HPSE2: variants seen among roughly 807,000 people sequenced by gnomAD.
The protein encoded by HPSE2 is heparanase 2 (inactive).
Under a neutral mutation model 60.5 loss-of-function variants are expected in HPSE2, and 38 were observed. The ratio of observed to expected loss-of-function variants is 0.63; its 90% confidence interval spans 0.48 to 0.82. The LOEUF (loss-of-function observed/expected upper bound fraction) is 0.82, where lower values mean the gene tolerates loss of function less well. Ranked by LOEUF, HPSE2 falls within the 40% of genes least tolerant of loss-of-function variation. The probability of loss-of-function intolerance (pLI) is 0.00; values close to 1 mark genes in which losing one functional copy is unlikely to be tolerated. For synonymous variants in HPSE2, 295 were observed against 293.2 expected (o/e 1.01, Z -0.06); for missense variants, 713 against 740.4 (o/e 0.96, Z 0.43).
chr10:98,663,358 A>T (rs1337628605), intron 6 of HPSE2, among the ~76,000 whole-genome samples: 1 of 152,314 alleles, frequency 6.6e-6, no homozygotes, highest in Admixed American at 6.5e-5. Context: ...AAAAAACCTA[A>T]TAAGGGACTC....
At chr10:98,708,361 C>T (rs1295512901) in intron 5 of HPSE2, among the ~76,000 whole-genome samples, 1 of 150,310 alleles carries the variant, frequency 6.7e-6, no homozygotes, top group Non-Finnish European at 1.5e-5. Context: ...GAGGCTGAGG[C>T]AGAAGAATGG....
rs377424434 is a variant in HPSE2, at chr10:99,040,794, T to C, written c.610+103444A>G. ...AAAATCTAAATTTACATTCTTAAAA[T>C]TGCACAGCCAAGCCAGGTGCAGTGG... is the stretch of plus-strand genomic sequence containing the variant. On this transcript the variant is annotated intron_variant, in intron 3 of 11. Coordinates refer to ENST00000370552, the MANE Select transcript of HPSE2 (RefSeq NM_021828.5). Among the ~76,000 whole-genome samples the C allele has an allele frequency of 2.0e-4, 30 of 152,276 alleles. 1 individual carries two copies. The East Asian group carries it at 2.9e-3, about 15-fold the overall frequency.
intron 2 of HPSE2, among the ~76,000 whole-genome samples, chr10:99,173,593 G>A (rs949303563): frequency 4.9e-4 from 74 of 152,106 alleles, no homozygotes; most frequent in African/African-American, 1.7e-3. Context: ...AATAAATACT[G>A]GAAAGGGTCT....
intron 9 of HPSE2, among the ~76,000 whole-genome samples, chr10:98,571,335 C>T (rs1944487106): frequency 1.3e-5 from 2 of 152,088 alleles, no homozygotes; most frequent in South Asian, 4.1e-4. Flanking sequence ...GAGATTCTAT[C>T]TTTACTACTA....
At chr10:98,571,950 T>TTTTTG in intron 9 of HPSE2, among the ~76,000 whole-genome samples, 1 of 150,658 alleles carries the variant, frequency 6.6e-6, no homozygotes, top group Non-Finnish European at 1.5e-5. Flanking sequence ...CTTTTTTTTT[T>TTTTTG]TTTTTTGAGA....
the HPSE2 span, among the ~76,000 whole-genome samples, chr10:99,247,371 T>C: frequency 2.0e-5 from 3 of 152,266 alleles, no homozygotes; most frequent in Admixed American, 2.0e-4. Flanking sequence ...CCAGCTTTAC[T>C]ATGTATTTTT....
At chr10:98,994,469 C>A (rs181400699) in intron 3 of HPSE2, among the ~76,000 whole-genome samples, 3 of 151,810 alleles carry the variant, frequency 2.0e-5, no homozygotes, top group African/African-American at 7.3e-5. Context: ...GAGAATGGGA[C>A]CCTTCCCAAA....
chr10:99,208,564 T>C (rs1848841377), intron 2 of HPSE2, among the ~76,000 whole-genome samples: 2 of 152,046 alleles, frequency 1.3e-5, no homozygotes, highest in Admixed American at 1.3e-4. Flanking sequence ...TGCATGCCTA[T>C]AGTCCCAACT....
chr10:98,580,824 TTA>T (rs779671429), intron 9 of HPSE2, among the ~76,000 whole-genome samples: 4 of 128,560 alleles, frequency 3.1e-5, no homozygotes, highest in Non-Finnish European at 6.3e-5. Flanking sequence ...GTGCTTGGTT[TTA>T]TATATATATA....
At chr10:99,140,931 G>T (rs376818995) in intron 3 of HPSE2, among the ~76,000 whole-genome samples, 1 of 152,148 alleles carries the variant, frequency 6.6e-6, no homozygotes, top group Non-Finnish European at 1.5e-5. Flanking sequence ...CAGCTACTCC[G>T]GAGGCTGAGG....
intron 7 of HPSE2, among the ~76,000 whole-genome samples, chr10:98,620,948 T>G (rs960020462): frequency 4.6e-5 from 7 of 152,048 alleles, no homozygotes; most frequent in African/African-American, 1.4e-4. Context: ...TAAACCCAAG[T>G]GATAATGTGA....
intron 3 of HPSE2, among the ~76,000 whole-genome samples, chr10:98,777,254 G>C (rs1950361274): frequency 6.6e-6 from 1 of 152,092 alleles, no homozygotes; most frequent in Non-Finnish European, 1.5e-5. Flanking sequence ...GGCTTAATTA[G>C]AGAGTAAACA....
chr10:98,712,527 G>A (rs1948699507), intron 5 of HPSE2, among the ~76,000 whole-genome samples: 1 of 152,002 alleles, frequency 6.6e-6, no homozygotes, highest in African/African-American at 2.4e-5. Context: ...TCAGGATTAG[G>A]CACTTAGTAG....
intron 6 of HPSE2, among the ~76,000 whole-genome samples, chr10:98,664,543 T>C (rs471117): frequency 0.18 from 28,119 of 152,022 alleles, 3,081 homozygotes; most frequent in East Asian, 0.34. Flanking sequence ...GGTAAAGGGA[T>C]CACCTCTCTC....
At chr10:98,966,025 G>A (rs1374081902) in intron 3 of HPSE2, among the ~76,000 whole-genome samples, 1 of 152,018 alleles carries the variant, frequency 6.6e-6, no homozygotes, top group Non-Finnish European at 1.5e-5. Context: ...TGAGTAGCTG[G>A]GGTTACAGGT....
At chr10:98,874,536 T>C (rs1351619921) in intron 3 of HPSE2, among the ~76,000 whole-genome samples, 1 of 152,088 alleles carries the variant, frequency 6.6e-6, no homozygotes, top group Non-Finnish European at 1.5e-5. Context: ...TTTCTAAATA[T>C]AGAATCATGT....
intron 3 of HPSE2, among the ~76,000 whole-genome samples, chr10:98,925,617 T>C (rs1954432689): frequency 6.6e-6 from 1 of 152,192 alleles, no homozygotes; most frequent in Non-Finnish European, 1.5e-5. Flanking sequence ...GACACCATCC[T>C]GGCAAGGATG....
chr10:98,657,102 T>C (rs942427013), intron 6 of HPSE2, among the ~76,000 whole-genome samples: 15 of 152,038 alleles, frequency 9.9e-5, no homozygotes, highest in East Asian at 3.9e-4. Context: ...CTCATCACTT[T>C]ATTGCTACTC....
chr10:98,544,834 A>G (rs1227005640), intron 9 of HPSE2, among the ~76,000 whole-genome samples: 1 of 152,066 alleles, frequency 6.6e-6, no homozygotes, highest in Non-Finnish European at 1.5e-5. Flanking sequence ...TAGAGACACA[A>G]AAAACCCTCA....
Sources: allele counts gnomAD v4.1 joint callset (sites outside exome capture counted in the v4.1 genomes callset), GRCh38; gene constraint gnomAD v4.1.1; transcripts MANE v1.5; gene names NCBI Gene and HGNC (gene_info 2026-07-23, HGNC 2026-07-21).